Variants in RIMS1 observed in about 807,000 individuals in gnomAD.
RIMS1 encodes regulating synaptic membrane exocytosis 1, also known as regulating synaptic membrane exocytosis protein 1.
A neutral mutation model predicts 214.1 loss-of-function variants in RIMS1; 83 were observed. The ratio of observed to expected loss-of-function variants is 0.39; its 90% CI spans 0.32 to 0.47. The LOEUF is 0.47. RIMS1 is among the 20% of genes least tolerant of loss of function. RIMS1 has a pLI of 0.99. For synonymous variants in RIMS1, 793 were observed against 786.8 expected (o/e 1.01, Z -0.13); for missense variants, 2,050 against 2,161.8 (o/e 0.95, Z 1.03).
chr6:71,909,302 G>A (rs1276456671), intron 1 of RIMS1, among the ~76,000 whole-genome samples: 1 of 152,168 alleles, frequency 6.6e-6, no homozygotes, highest in Non-Finnish European at 1.5e-5. Context: ...CCAGCCTGCT[G>A]TTTATTTCAT....
Position 72,183,143 on chromosome 6 carries a change from G to T in RIMS1, c.1672G>T (p.Glu558Ter). ...GGAGCTGGAGAGCGAGAGCGTCAGCGAGAAAGGTAAGGGGGCGGCGCCGGC... is the reference window on the plus strand; with the variant it reads ...GGAGCTGGAGAGCGAGAGCGTCAGCTAGAAAGGTAAGGGGGCGGCGCCGGC... ...DVELESESVS[E>*]KGDLDYYWLD... The change falls in exon 6 of 34, where the codon GAG (glutamate) becomes TAG (stop). Residue 558 changes from glutamate to a stop codon, truncating the protein, a stop_gained. Transcript: ENST00000521978. LOFTEE classifies it high-confidence loss of function. 1.3e-6 allele frequency: 2 copies of T among 1,591,306 alleles called. No individual in the cohort carries two copies. Among genetic ancestry groups the T allele is most frequent in the Admixed American group, 1.8e-5 (1 of 56,532 alleles).
intron 2 of RIMS1, among the ~76,000 whole-genome samples, chr6:72,019,750 G>A (rs1040487988): frequency 6.6e-6 from 1 of 152,118 alleles, no homozygotes; most frequent in African/African-American, 2.4e-5. Context: ...CCGTGGGAAT[G>A]TGGGTCCTAT....
intron 4 of RIMS1, among the ~76,000 whole-genome samples, chr6:72,107,537 G>T (rs111604172): frequency 0.011 from 1,707 of 151,994 alleles, 11 homozygotes; most frequent in Non-Finnish European, 0.017. Flanking sequence ...CTCCAGCCTG[G>T]GCAACAGAGT....
intron 2 of RIMS1, among the ~76,000 whole-genome samples, chr6:71,969,638 G>A (rs1795346084): frequency 6.6e-6 from 1 of 151,972 alleles, no homozygotes; most frequent in African/African-American, 2.4e-5. Context: ...GTGAAACCCC[G>A]TCTCTACTAA....
chr6:71,928,025 A>T (rs2150858461), intron 1 of RIMS1, among the ~76,000 whole-genome samples: 1 of 152,230 alleles, frequency 6.6e-6, no homozygotes, highest in South Asian at 2.1e-4. Flanking sequence ...ACATTTTTCA[A>T]ATAATAGAAT....
At chr6:72,315,295 G>C (rs893091287) in intron 28 of RIMS1, among the ~76,000 whole-genome samples, 2 of 152,028 alleles carry the variant, frequency 1.3e-5, no homozygotes, top group African/African-American at 4.8e-5. Context: ...TGAGAAGAGG[G>C]GTGGACCTAA....
At chr6:71,964,620 C>G (rs1039795558) in intron 1 of RIMS1, among the ~76,000 whole-genome samples, 12 of 152,118 alleles carry the variant, frequency 7.9e-5, no homozygotes, top group African/African-American at 2.9e-4. Flanking sequence ...TTCACTTGAA[C>G]TGCTGGAGAA....
chr6:72,323,805 TC>T (rs2154320767), intron 28 of RIMS1, among the ~76,000 whole-genome samples: 1 of 151,916 alleles, frequency 6.6e-6, no homozygotes, highest in South Asian at 2.1e-4. Flanking sequence ...GGAAAACATT[TC>T]TTAAAAGAAT....
At chr6:72,274,240 C>A in intron 22 of RIMS1, 109 bp from the exon 23 acceptor site, 1 of 624,662 alleles carries the variant, frequency 1.6e-6, no homozygotes, top group Non-Finnish European at 2.9e-6. Flanking sequence ...AAAGAATCTA[C>A]ACTTTGCCTT....
chr6:72,237,998 G>T, intron 9 of RIMS1, 76 bp downstream of exon 9: 1 of 1,012,262 alleles, frequency 9.9e-7, no homozygotes, highest in Non-Finnish European at 1.5e-6. Context: ...TCAATTTGGG[G>T]TTAGTTTTAT....
At chr6:72,321,684 T>C (rs2096175191) in intron 28 of RIMS1, among the ~76,000 whole-genome samples, 1 of 152,096 alleles carries the variant, frequency 6.6e-6, no homozygotes, top group Non-Finnish European at 1.5e-5. Context: ...GTTCCTTTCC[T>C]AATTGCCCTC....
intron 2 of RIMS1, among the ~76,000 whole-genome samples, chr6:72,091,947 T>C (rs1479879607): frequency 2.0e-5 from 3 of 152,216 alleles, no homozygotes; most frequent in African/African-American, 7.2e-5. Flanking sequence ...TGTAAGACCA[T>C]TTAATAAAAT....
At chr6:72,322,701 G>T (rs981517317) in intron 28 of RIMS1, among the ~76,000 whole-genome samples, 1 of 152,052 alleles carries the variant, frequency 6.6e-6, no homozygotes, top group Admixed American at 6.6e-5. Flanking sequence ...AAAACACAAG[G>T]TAAGTGGTAA....
chr6:72,306,142 A>G (rs1464047523), intron 26 of RIMS1, among the ~76,000 whole-genome samples: 1 of 152,106 alleles, frequency 6.6e-6, no homozygotes, highest in African/African-American at 2.4e-5. Context: ...CAGCCAAGTC[A>G]ATCAAACATA....
chr6:72,384,891 A>G (rs541094156), intron 29 of RIMS1, among the ~76,000 whole-genome samples: 1 of 152,316 alleles, frequency 6.6e-6, no homozygotes, highest in South Asian at 2.1e-4. Context: ...TATAGAATGA[A>G]TTAATAAGTC....
At chr6:72,178,430 A>G (rs1019829602) in intron 4 of RIMS1, among the ~76,000 whole-genome samples, 6 of 151,994 alleles carry the variant, frequency 3.9e-5, no homozygotes, top group Non-Finnish European at 5.9e-5. Context: ...ACTATTTTCT[A>G]TTACTTATCA....
chr6:72,075,721 A>G (rs73549410), intron 2 of RIMS1, among the ~76,000 whole-genome samples: 1,875 of 152,342 alleles, frequency 0.012, 49 homozygotes, highest in African/African-American at 0.043. Flanking sequence ...GGGTCTCTAA[A>G]TAACACAAAA....
intron 1 of RIMS1, among the ~76,000 whole-genome samples, chr6:71,919,911 TAAC>T (rs1256407112): frequency 6.6e-6 from 1 of 152,166 alleles, no homozygotes; most frequent in Non-Finnish European, 1.5e-5. Context: ...ACAACATAAG[TAAC>T]AACAAGCACC....
At chr6:72,112,322 C>T (rs1293804571) in intron 4 of RIMS1, among the ~76,000 whole-genome samples, 2 of 151,960 alleles carry the variant, frequency 1.3e-5, no homozygotes, top group Non-Finnish European at 2.9e-5. Flanking sequence ...ACCCCTCATC[C>T]CCCACCCCAC....
Sources: gnomAD v4.1 joint callset for allele counts (sites outside exome capture counted in the v4.1 genomes callset) on GRCh38, gnomAD v4.1.1 for gene constraint, MANE v1.5 for transcripts, NCBI Gene and HGNC (gene_info 2026-07-23, HGNC 2026-07-21) for gene names.